The following ACOT7 variants were observed in gnomAD, a reference collection of about 807,000 sequenced individuals.
The protein encoded by ACOT7 is cytosolic acyl coenzyme A thioester hydrolase.
Under a neutral mutation model 40.2 loss-of-function variants are expected in ACOT7, and 12 were observed. The ratio of observed to expected loss-of-function variants is 0.30; its 90% confidence interval spans 0.19 to 0.48. The LOEUF (loss-of-function observed/expected upper bound fraction) is 0.48, where lower values mean the gene tolerates loss of function less well. Ranked by LOEUF, ACOT7 falls within the 20% of genes least tolerant of loss-of-function variation. The probability of loss-of-function intolerance (pLI) is 0.99; values close to 1 mark genes in which losing one functional copy is unlikely to be tolerated. For synonymous variants in ACOT7, 228 were observed against 219.5 expected (o/e 1.04, Z -0.34); for missense variants, 395 against 530.8 (o/e 0.74, Z 2.51).
chr1:6,348,250 G>A (rs898971017), intron 2 of ACOT7, among the ~76,000 whole-genome samples: 4 of 152,034 alleles, frequency 2.6e-5, no homozygotes, highest in African/African-American at 4.8e-5. Flanking sequence ...TGTACCACAC[G>A]ACATCCCCCA....
chr1:6,345,894 T>C (rs1470693236), intron 2 of ACOT7, among the ~76,000 whole-genome samples: 2 of 152,222 alleles, frequency 1.3e-5, no homozygotes, highest in Non-Finnish European at 2.9e-5. Context: ...GTGGACGCTC[T>C]CCATGACGGT....
chr1:6,389,113 C>T (rs11799654), intron 1 of ACOT7, among the ~76,000 whole-genome samples: 2,650 of 152,056 alleles, frequency 0.017, 27 homozygotes, highest in Middle Eastern at 0.038. Flanking sequence ...AATTCTAACC[C>T]CATAACATAC....
intron 6 of ACOT7, among the ~76,000 whole-genome samples, chr1:6,318,166 C>T (rs1051377661): frequency 6.6e-6 from 1 of 152,112 alleles, no homozygotes; most frequent in African/African-American, 2.4e-5. Flanking sequence ...AGCGATCCTC[C>T]CACCTCAGCC....
At chr1:6,276,445 G>C in intron 8 of ACOT7, among the ~76,000 whole-genome samples, 1 of 152,176 alleles carries the variant, frequency 6.6e-6, no homozygotes, top group East Asian at 1.9e-4. Flanking sequence ...GGAAGTGCTG[G>C]CAGCTGCCCG....
At position 6,275,675 on chromosome 1, in the gene ACOT7, C is replaced by A. The variant is rs1263247979; in HGVS notation, c.1014+5427G>T. On this transcript the variant is annotated intron_variant, in intron 8 of 8. Coordinates refer to ENST00000361521, the MANE Select transcript of ACOT7 (RefSeq NM_007274.4). This position sits in a 1 kb window ranked among gnomAD's most constrained non-coding sequence, Gnocchi z 5.6. ...GCGGTTGCAGTGAGCCGAGATCCAG[C>A]CATTGCACTCCAGGTTGGGCGACAG... Among the ~76,000 whole-genome samples, 1 of 148,626 alleles carries A rather than the reference C, an allele frequency of 6.7e-6. No individual in the cohort carries two copies. The highest frequency in any genetic ancestry group is 1.5e-5 in the Non-Finnish European group (1 of 67,648).
Position 6,359,391 on chromosome 1 carries a change from G to C in ACOT7, c.144-9525C>G, listed in dbSNP as rs1018631416. The C allele has an allele frequency of 2.0e-5, 3 of 153,516 alleles. No homozygotes were observed. Among genetic ancestry groups the C allele is most frequent in the Non-Finnish European group, 2.9e-5 (2 of 68,992 alleles). 9.5% of individuals were successfully genotyped at this position (153,516 alleles called of 1,614,324 possible). A position where few individuals can be genotyped will look rare whatever the true frequency, so the allele number is the denominator to read the frequency against. On this transcript the variant is annotated intron_variant, in intron 1 of 8. Transcript: ENST00000361521. The surrounding 1 kb of genome is among the most constrained non-coding windows in gnomAD (Gnocchi z 4.1). ...AGCCTGTCCCAAGGGCCAGCTCCCT[G>C]GCTGAAGCAAAGTGGACAGGCGGTC... is the stretch of plus-strand genomic sequence containing the variant.
At chr1:6,333,694 C>A in intron 3 of ACOT7, 126 bp from the exon 4 acceptor site, 1 of 899,042 alleles carries the variant, frequency 1.1e-6, no homozygotes, top group Non-Finnish European at 1.7e-6. Flanking sequence ...CAGTGTGCAC[C>A]ACCTCTCTGG....
intron 2 of ACOT7, among the ~76,000 whole-genome samples, chr1:6,344,246 AG>A (rs1641356443): frequency 6.6e-6 from 1 of 152,172 alleles, no homozygotes; most frequent in African/African-American, 2.4e-5. Flanking sequence ...AGGGTCGCTC[AG>A]AGGAGGCACA....
At chr1:6,389,597 T>G (rs908739496) in intron 1 of ACOT7, among the ~76,000 whole-genome samples, 2 of 151,890 alleles carry the variant, frequency 1.3e-5, no homozygotes, top group Non-Finnish European at 2.9e-5. Flanking sequence ...CTGACCAACA[T>G]GGTGAAACTC....
At chr1:6,319,745 AG>A (rs1055997973) in intron 5 of ACOT7, among the ~76,000 whole-genome samples, 33 of 152,354 alleles carry the variant, frequency 2.2e-4, no homozygotes, top group African/African-American at 7.7e-4. Context: ...AGCCTGGTCC[AG>A]CCCTTCCAGA....
At chr1:6,307,714 G>T (rs1025129931) in intron 6 of ACOT7, among the ~76,000 whole-genome samples, 1 of 150,828 alleles carries the variant, frequency 6.6e-6, no homozygotes, top group Non-Finnish European at 1.5e-5. Flanking sequence ...CACAACAGGC[G>T]GAGGGAACCA....
chr1:6,353,464 T>C (rs575522480), intron 1 of ACOT7, among the ~76,000 whole-genome samples: 2 of 152,210 alleles, frequency 1.3e-5, no homozygotes, highest in African/African-American at 2.4e-5. Context: ...CAAAACCCCA[T>C]CTCTACTAAA....
intron 2 of ACOT7, among the ~76,000 whole-genome samples, chr1:6,346,079 C>T (rs575625749): frequency 4.6e-5 from 7 of 152,182 alleles, no homozygotes; most frequent in Middle Eastern, 3.4e-3. Context: ...GGGAGCCAGG[C>T]CATCAGGGGC....
chr1:6,267,965 C>T (rs1638900929), intron 8 of ACOT7, among the ~76,000 whole-genome samples: 1 of 152,202 alleles, frequency 6.6e-6, no homozygotes, highest in African/African-American at 2.4e-5. Flanking sequence ...TTCAACCAGG[C>T]ATTAAAAACA....
At chr1:6,292,563 C>T (rs1383753751) in intron 7 of ACOT7, among the ~76,000 whole-genome samples, 1 of 152,174 alleles carries the variant, frequency 6.6e-6, no homozygotes, top group Non-Finnish European at 1.5e-5. Flanking sequence ...GGTTTTCCCT[C>T]AAAATTAATG....
At chr1:6,305,005 C>T (rs1387968758) in intron 6 of ACOT7, among the ~76,000 whole-genome samples, 3 of 149,756 alleles carry the variant, frequency 2.0e-5, no homozygotes, top group Non-Finnish European at 3.0e-5. Context: ...CCGGACGGGG[C>T]GGCTGGCCGG....
rs1361389398 is a variant in ACOT7, at chr1:6,275,141, T to C, written c.1014+5961A>G. Among the ~76,000 whole-genome samples the C allele has an allele frequency of 6.6e-6, 1 of 152,172 alleles. No individual in the cohort carries two copies. The highest frequency in any genetic ancestry group is 2.4e-5 in the African/African-American group (1 of 41,452). On this transcript the variant is annotated intron_variant, in intron 8 of 8. Transcript: ENST00000361521. This position sits in a 1 kb window ranked among gnomAD's most constrained non-coding sequence, Gnocchi z 5.6. ...CCTGAAGCCTCCGGCTTCAATGACC[T>C]GTACCCAGGCACCACCCAAGAGGAA...
At chr1:6,290,678 C>T (rs528981913) in intron 7 of ACOT7, among the ~76,000 whole-genome samples, 7 of 152,330 alleles carry the variant, frequency 4.6e-5, no homozygotes, top group Admixed American at 2.0e-4. Context: ...ATTACAAAAC[C>T]GCTGCCTTCT....
intron 1 of ACOT7, among the ~76,000 whole-genome samples, chr1:6,354,024 A>C (rs11121699): frequency 1.3e-5 from 2 of 151,874 alleles, no homozygotes; most frequent in African/African-American, 4.8e-5. Flanking sequence ...CCACAGCCCC[A>C]CCCTTTTTCT....
Sources: gnomAD v4.1 joint callset for allele counts (sites outside exome capture counted in the v4.1 genomes callset) on GRCh38, gnomAD v4.1.1 for gene constraint, Gnocchi (gnomAD v3.1) non-coding constraint, MANE v1.5 for transcripts, NCBI Gene and HGNC (gene_info 2026-07-23, HGNC 2026-07-21) for gene names.